TSC22D2: variants seen among roughly 807,000 people sequenced by gnomAD.
TSC22D2 encodes the protein TSC22 domain family member 2, also known as TSC22 domain family protein 2.
In TSC22D2, 5 loss-of-function variants were observed where a neutral mutation model predicts 50.1. The ratio of observed to expected loss-of-function variants is 0.10; its 90% confidence interval spans 0.05 to 0.21. TSC22D2 has a LOEUF of 0.21. TSC22D2 is among the 10% of genes least tolerant of loss of function. The pLI, the probability that TSC22D2 is intolerant of heterozygous loss-of-function variation, is 1.00. For synonymous variants in TSC22D2, 501 were observed against 450.1 expected (o/e 1.11, Z -1.43); for missense variants, 1,003 against 1,015.5 (o/e 0.99, Z 0.17).
Position 150,409,932 on chromosome 3 carries a change from C to T in TSC22D2, c.582C>T (p.Val194=), listed in dbSNP as rs376496346. 3 of 1,613,888 alleles carry T rather than the reference C, an allele frequency of 1.9e-6. No individual in the cohort carries two copies. Among genetic ancestry groups the T allele is most frequent in the Non-Finnish European group, 2.5e-6 (3 of 1,180,052 alleles). ...ATGAGAGGGATTCAGACAGCAGCGT[C>T]CTGACTAGATCCGGGGATTGCATTA... The part of the protein sequence containing the change: ...EYYERDSDSS[V]LTRSGDCIRH... Residue 194 remains valine, a synonymous_variant, in exon 1 of 3, where the codon GTC becomes GTT. Transcript: ENST00000688009. The surrounding 1 kb of genome is among the most constrained non-coding windows in gnomAD (Gnocchi z 7.4).
chr3:150,423,221 G>A, intron 1 of TSC22D2: 1 of 829,470 alleles, frequency 1.2e-6, no homozygotes, highest in East Asian at 2.8e-5. Context: ...TGTTATTTTA[G>A]GGGGGAAATC....
In TSC22D2 at chr3:150,458,476, G is replaced by A. The variant is rs1417857971; in HGVS notation, c.2111G>A (p.Arg704Gln). ...ELVERNSLLE[R>Q]ENALLKSLSS... is the part of the protein sequence containing the mutation. ...GTTGAAAGAAACTCTTTACTTGAAC[G>A]AGAAAATGCACTGTTAAAATCTCTT... The change falls in exon 3 of 3, where the codon CGA (arginine) becomes CAA (glutamine). Residue 704 changes from arginine (R) to glutamine (Q), a missense_variant. By Grantham distance (43) the Arg-to-Gln change is conservative. This residue lies in a region of TSC22D2 where 17 missense variants were observed against 57.7 expected (regional missense o/e 0.29). Transcript: ENST00000688009. The A allele has an allele frequency of 5.6e-6, 9 of 1,614,086 alleles. No homozygotes were observed. Among genetic ancestry groups the A allele is most frequent in the African/African-American group, 4.0e-5 (3 of 75,024 alleles).
At chr3:150,437,660 T>A (rs1417547620) in intron 1 of TSC22D2, among the ~76,000 whole-genome samples, 1 of 150,718 alleles carries the variant, frequency 6.6e-6, no homozygotes, top group Non-Finnish European at 1.5e-5. Flanking sequence ...AAAAAAAAAT[T>A]AGCCAGGCGT....
intron 2 of TSC22D2, 68 bp from the exon 3 acceptor site, chr3:150,458,308 G>A: frequency 6.6e-7 from 1 of 1,513,322 alleles, no homozygotes; most frequent in Non-Finnish European, 8.9e-7. Context: ...GCACCAAGTA[G>A]GCCAGAACCA....
intron 1 of TSC22D2, chr3:150,438,157 C>G: frequency 2.9e-6 from 1 of 342,122 alleles, no homozygotes; most frequent in Non-Finnish European, 6.4e-6. Flanking sequence ...TTTTTAAAGG[C>G]TATTTGATTA....
chr3:150,413,493 C>T (rs1428656631), intron 1 of TSC22D2, among the ~76,000 whole-genome samples: 1 of 149,368 alleles, frequency 6.7e-6, no homozygotes, highest in Admixed American at 6.7e-5. Flanking sequence ...ACTGTTTTGT[C>T]ACTGGTCCAA....
chr3:150,437,948 C>A (rs945278909), intron 1 of TSC22D2, among the ~76,000 whole-genome samples: 1 of 152,108 alleles, frequency 6.6e-6, no homozygotes, highest in African/African-American at 2.4e-5. Flanking sequence ...ATCATAATTT[C>A]TGGATCATGA....
chr3:150,453,914 T>TCAATA (rs146218300), intron 1 of TSC22D2, among the ~76,000 whole-genome samples: 1,813 of 152,226 alleles, frequency 0.012, 45 homozygotes, highest in African/African-American at 0.042. Context: ...GTAATCACTG[T>TCAATA]CTGTATTGAG....
chr3:150,423,920 C>T (rs993300136), intron 1 of TSC22D2, among the ~76,000 whole-genome samples: 5 of 152,108 alleles, frequency 3.3e-5, no homozygotes, highest in Non-Finnish European at 7.4e-5. Context: ...TGCCTGGCAA[C>T]GCATTTGTGT....
chr3:150,437,808 A>T (rs1279047684), intron 1 of TSC22D2, among the ~76,000 whole-genome samples: 7 of 151,794 alleles, frequency 4.6e-5, no homozygotes, highest in Admixed American at 4.6e-4. Flanking sequence ...ACTCCGTCTC[A>T]AAATAAATAA....
At chr3:150,437,528 C>T (rs1048266731) in intron 1 of TSC22D2, among the ~76,000 whole-genome samples, 1 of 151,852 alleles carries the variant, frequency 6.6e-6, no homozygotes, top group Non-Finnish European at 1.5e-5. Context: ...CTCAGCCAGG[C>T]ATGGTGGCTC....
intron 1 of TSC22D2, among the ~76,000 whole-genome samples, chr3:150,436,588 C>G (rs1010887842): frequency 6.6e-6 from 1 of 152,114 alleles, no homozygotes; most frequent in East Asian, 1.9e-4. Flanking sequence ...GTTATTAAAA[C>G]TTTCTTAAAA....
At chr3:150,458,299 C>A in intron 2 of TSC22D2, 77 bp from the exon 3 acceptor site, 1 of 1,451,364 alleles carries the variant, frequency 6.9e-7, no homozygotes. Context: ...AAAAACTTAG[C>A]ACCAAGTAGG....
rs773126739 is a variant in TSC22D2 at position 150,459,228 on chromosome 3, C to A, written c.*592C>A. On this transcript the variant is annotated 3_prime_UTR_variant, in exon 3 of 3. Coordinates refer to ENST00000688009, the MANE Select transcript of TSC22D2 (RefSeq NM_001303264.2). ...TTAGGCAATAATTGAACAAAAGAATCCTGGCATATTTCTAACACTAATGGC... is the reference window on the plus strand; with the variant it reads ...TTAGGCAATAATTGAACAAAAGAATACTGGCATATTTCTAACACTAATGGC... The A allele has an allele frequency of 6.6e-6, 1 of 152,530 alleles. No homozygotes were observed. The highest frequency in any genetic ancestry group is 1.5e-5 in the Non-Finnish European group (1 of 68,032). The allele number at this position is 152,530 out of a possible 1,614,324, so 9.4% of individuals were successfully genotyped here. A position where few individuals can be genotyped will look rare whatever the true frequency, so the allele number is the denominator to read the frequency against.
intron 1 of TSC22D2, among the ~76,000 whole-genome samples, chr3:150,435,464 C>A (rs771209914): frequency 1.5e-4 from 23 of 152,068 alleles, no homozygotes; most frequent in Non-Finnish European, 2.9e-4. Context: ...TGCCCTGTTT[C>A]CCCCCTTTCT....
chr3:150,453,830 T>C (rs59793956), intron 1 of TSC22D2, among the ~76,000 whole-genome samples: 20,572 of 152,192 alleles, frequency 0.14, 1,793 homozygotes, highest in East Asian at 0.34. Context: ...TTCACAAAGA[T>C]GAAGAAGTTA....
rs1721266678 is a variant in TSC22D2 at position 150,458,543 on chromosome 3, C to A, written c.2178C>A (p.Ala726=). ...DQLSQLPTQQ[A]NPGSTSQQQA... is the part of the protein sequence containing the mutation. ...TATCCCAACTCCCAACCCAACAGGC[C>A]AATCCTGGTAGCACTTCTCAACAGC... Residue 726 remains alanine, a synonymous_variant, in exon 3 of 3, where the codon GCC becomes GCA. Transcript: ENST00000688009. 6.2e-7 allele frequency: 1 copy of A among 1,614,122 alleles called. No homozygotes were observed. Among genetic ancestry groups the A allele is most frequent in the Non-Finnish European group, 8.5e-7 (1 of 1,180,018 alleles).
chr3:150,429,686 A>T (rs1720321542), intron 1 of TSC22D2, among the ~76,000 whole-genome samples: 1 of 152,178 alleles, frequency 6.6e-6, no homozygotes, highest in Non-Finnish European at 1.5e-5. Context: ...AGCCACTTAA[A>T]ACTGTTTGAA....
At chr3:150,432,201 T>C (rs1043177150) in intron 1 of TSC22D2, among the ~76,000 whole-genome samples, 6 of 152,190 alleles carry the variant, frequency 3.9e-5, no homozygotes, top group Non-Finnish European at 8.8e-5. Context: ...AGAGAAATTA[T>C]TTCTTAACTG....
Sources: gnomAD v4.1 joint callset for allele counts (sites outside exome capture counted in the v4.1 genomes callset) on GRCh38, gnomAD v4.1.1 for gene constraint, gnomAD v4.1.1 regional missense constraint, Gnocchi (gnomAD v3.1) non-coding constraint, MANE v1.5 for transcripts, NCBI Gene and HGNC (gene_info 2026-07-23, HGNC 2026-07-21) for gene names.